The following DMD variants were observed in gnomAD, a reference collection of about 807,000 sequenced individuals.
DMD encodes mutant dystrophin.
A neutral mutation model predicts 330.1 loss-of-function variants in DMD; 63 were observed. That is an observed-to-expected ratio of 0.19 (90% CI 0.16 to 0.24). The LOEUF (loss-of-function observed/expected upper bound fraction) is 0.24. DMD is among the 10% of genes least tolerant of loss of function. DMD has a pLI of 1.00. For synonymous variants in DMD, 1,223 were observed against 959.8 expected, an observed-to-expected ratio of 1.27 and a Z score of -5.07; for missense variants, 3,344 against 2,684.1, an observed-to-expected ratio of 1.25 and a Z score of -5.43.
chrX:31,930,137 T>C (rs2094835242), intron 46 of DMD, among the ~76,000 whole-genome samples: 1 of 110,788 alleles, frequency 9.0e-6, no homozygotes, highest in Non-Finnish European at 1.9e-5. Context: ...TGCTGAGAAA[T>C]TGCATTATCA....
chrX:33,317,098 G>A (rs762290289), intron 1 of DMD, among the ~76,000 whole-genome samples: 7 of 110,368 alleles, frequency 6.3e-5, no homozygotes, highest in Admixed American at 9.7e-5. Context: ...AAAAATTAAC[G>A]TTTATTTTGA....
In DMD at chrX:32,031,717, A is replaced by G. The variant is rs1051019071; in HGVS notation, c.6439-63203T>C. ...TTCTGTTTGAAATTCAGTCATCTAC[A>G]TGGAAACAGCGGAAGGGGAGCTCAG... On this transcript the variant is annotated intron_variant, in intron 44 of 78. Transcript: ENST00000357033. Among the ~76,000 whole-genome samples, 5 of 112,057 alleles carry G rather than the reference A, an allele frequency of 4.5e-5. No individual in the cohort carries two copies. In the Admixed American group the frequency reaches 4.8e-4, roughly 11 times the overall value.
At chrX:32,003,122 C>T (rs148103933) in intron 44 of DMD, among the ~76,000 whole-genome samples, 3,941 of 111,592 alleles carry the variant, frequency 0.035, 68 homozygotes, top group Non-Finnish European at 0.057. Flanking sequence ...CCAAGAGGTT[C>T]TTGATTTAGC....
At chrX:32,168,508 G>A (rs753835787) in intron 44 of DMD, among the ~76,000 whole-genome samples, 15 of 100,789 alleles carry the variant, frequency 1.5e-4, no homozygotes, top group African/African-American at 5.5e-4. Flanking sequence ...AATTTGACTG[G>A]CATCAAATCA....
Position 33,022,153 on chromosome X carries a change from G to A in DMD, c.32-1953C>T, listed in dbSNP as rs1424843717. ...CATGCGTACTTTCTGTCAGAAAGCAGAGAGTAAATGAGTCAGTTGAAAGCA... is the reference window on the plus strand; with the variant it reads ...CATGCGTACTTTCTGTCAGAAAGCAAAGAGTAAATGAGTCAGTTGAAAGCA... On this transcript the variant is annotated intron_variant, in intron 1 of 78. Transcript: ENST00000357033. Among the ~76,000 whole-genome samples, 3 of 111,432 alleles carry A rather than the reference G, an allele frequency of 2.7e-5. No homozygotes were observed. The South Asian group carries it at 1.1e-3, about 42-fold the overall frequency.
chrX:32,972,751 T>G (rs2092428459), intron 2 of DMD, among the ~76,000 whole-genome samples: 1 of 111,907 alleles, frequency 8.9e-6, no homozygotes, highest in African/African-American at 3.2e-5. Context: ...GTACTTTAGT[T>G]TCTTTCCATA....
At chrX:33,250,078 C>T (rs1392631889) in intron 1 of DMD, among the ~76,000 whole-genome samples, 2 of 58,346 alleles carry the variant, frequency 3.4e-5, no homozygotes, top group African/African-American at 2.2e-4. Context: ...TAGTAGTAAA[C>T]TATTCATTAT....
At chrX:33,057,882 T>G (rs2094536680) in intron 1 of DMD, among the ~76,000 whole-genome samples, 1 of 111,667 alleles carries the variant, frequency 9.0e-6, no homozygotes, top group Admixed American at 9.6e-5. Flanking sequence ...TTGTTTGTTT[T>G]TTGTTTTTGT....
intron 1 of DMD, among the ~76,000 whole-genome samples, chrX:33,082,028 C>A (rs2094937915): frequency 9.3e-6 from 1 of 107,659 alleles, no homozygotes; most frequent in African/African-American, 3.4e-5. Flanking sequence ...GAGTCCCAGG[C>A]TACCAGAAGT....
At chrX:32,307,609 G>A in intron 42 of DMD, among the ~76,000 whole-genome samples, 1 of 111,650 alleles carries the variant, frequency 9.0e-6, no homozygotes, top group Non-Finnish European at 1.9e-5. Flanking sequence ...ATGGACACAT[G>A]ATGATAAATC....
intron 7 of DMD, among the ~76,000 whole-genome samples, chrX:32,757,036 A>AT (rs937510919): frequency 1.3e-4 from 14 of 110,885 alleles, no homozygotes; most frequent in African/African-American, 3.3e-4. Flanking sequence ...GATTAGCTCC[A>AT]TTTTTTTTCT....
At chrX:32,587,535 TA>T (rs777901766) in intron 13 of DMD, among the ~76,000 whole-genome samples, 3 of 111,804 alleles carry the variant, frequency 2.7e-5, no homozygotes, top group Non-Finnish European at 3.8e-5. Context: ...TCATGCTTTT[TA>T]AAGCTGAAGT....
intron 62 of DMD, among the ~76,000 whole-genome samples, chrX:31,299,850 ATC>A (rs2054509287): frequency 9.1e-6 from 1 of 109,832 alleles, no homozygotes; most frequent in Non-Finnish European, 1.9e-5. Flanking sequence ...AAAAATAACT[ATC>A]TGAGGAAAAA....
At position 32,644,526 on chromosome X, in the gene DMD, G is replaced by A. The variant is rs760714813; in HGVS notation, c.1150-213C>T. ...GTCAAGTTCTTCAGAAGCAGGCCCC[G>A]AGATAAGGACTTCAGTGCAAGTGAT... On this transcript the variant is annotated intron_variant, in intron 10 of 78. Transcript: ENST00000357033. Among the ~76,000 whole-genome samples, 10 of 110,016 alleles carry A rather than the reference G, an allele frequency of 9.1e-5. No individual in the cohort carries two copies. The South Asian group carries it at 2.0e-3, about 22-fold the overall frequency.
At position 32,243,386 on chromosome X, in the gene DMD, T is replaced by C. The variant is rs141083452; in HGVS notation, c.6291-26323A>G. 6.8e-3 allele frequency among the ~76,000 whole-genome samples: 762 copies of C among 111,864 alleles called. 4 individuals are homozygous for C. The highest frequency in any genetic ancestry group is 0.023 in the African/African-American group (710 of 30,826). Reference sequence around the variant, plus strand: ...GAACAAACTCTCCTGTGATATTTACTGGCTCAACATCTTAAGGATAAAAGA... The same window carrying C: ...GAACAAACTCTCCTGTGATATTTACCGGCTCAACATCTTAAGGATAAAAGA... On this transcript the variant is annotated intron_variant, in intron 43 of 78. Transcript: ENST00000357033.
intron 1 of DMD, among the ~76,000 whole-genome samples, chrX:33,293,986 A>G (rs1368803291): frequency 2.7e-5 from 3 of 111,556 alleles, no homozygotes; most frequent in Non-Finnish European, 3.8e-5. Context: ...CTCTTCAGCT[A>G]TGACCAGACG....
chrX:31,583,342 C>G (rs2076427092), intron 55 of DMD, among the ~76,000 whole-genome samples: 1 of 111,605 alleles, frequency 9.0e-6, no homozygotes. Flanking sequence ...AGCAGCCATA[C>G]TTATTATGGA....
rs2036843971 is a variant in DMD, at chrX:31,147,406, C to T, written c.10666G>A (p.Ala3556Thr). ...MPTSPQSPRDAELIAEAKLLR... is the reference protein window; with the variant it reads ...MPTSPQSPRDTELIAEAKLLR... ...AGCTTGGCCTCAGCAATGAGCTCAG[C>T]ATCCCGGGGACTCTGGGGAGAGGTG... Residue 3556 changes from alanine (A) to threonine (T), a missense_variant, in exon 75 of 79, where the codon GCT becomes ACT. Transcript: ENST00000357033. 3.3e-6 allele frequency: 4 copies of T among 1,210,175 alleles called. No homozygotes were observed. Among genetic ancestry groups the T allele is most frequent in the Admixed American group, 2.2e-5 (1 of 45,828 alleles).
intron 25 of DMD, among the ~76,000 whole-genome samples, chrX:32,462,960 A>C (rs1290355911): frequency 9.0e-6 from 1 of 111,357 alleles, no homozygotes; most frequent in Non-Finnish European, 1.9e-5. Flanking sequence ...ACCCTGTCCC[A>C]AAAAATAAAA....
Sources: gnomAD v4.1 joint callset for allele counts (sites outside exome capture counted in the v4.1 genomes callset) on GRCh38, gnomAD v4.1.1 for gene constraint, MANE v1.5 for transcripts, NCBI Gene and HGNC (gene_info 2026-07-23, HGNC 2026-07-21) for gene names.